INPP5F: variants seen among roughly 807,000 people sequenced by gnomAD.
The protein encoded by INPP5F is inositol polyphosphate-5-phosphatase F.
INPP5F carries 97 observed loss-of-function variants against 137.2 expected under a neutral mutation model. The ratio of observed to expected loss-of-function variants is 0.71; its 90% CI spans 0.60 to 0.84. INPP5F has a LOEUF of 0.84. Among genes scored for constraint, INPP5F ranks in the 40% least tolerant of loss-of-function variants. The probability of loss-of-function intolerance (pLI) is 0.00; values close to 1 mark genes in which losing one functional copy is unlikely to be tolerated. For missense variants in INPP5F, 1,271 were observed against 1,371.9 expected, an observed-to-expected ratio of 0.93 and a Z score of 1.16; for synonymous variants, 504 against 476.9, an observed-to-expected ratio of 1.06 and a Z score of -0.74.
intron 19 of INPP5F, among the ~76,000 whole-genome samples, chr10:119,825,167 T>G (rs1479823944): frequency 6.6e-6 from 1 of 152,260 alleles, no homozygotes; most frequent in African/African-American, 2.4e-5. Context: ...TTTTGGTTGC[T>G]AAGCATTTTT....
At chr10:119,789,980 G>A (rs1850079643) in intron 3 of INPP5F, among the ~76,000 whole-genome samples, 1 of 146,678 alleles carries the variant, frequency 6.8e-6, no homozygotes, top group Non-Finnish European at 1.5e-5. Flanking sequence ...ATTGGATTTA[G>A]CAAAGTGGAG....
At position 119,726,224 on chromosome 10, in the gene INPP5F, G is replaced by T. The variant is rs901718816; in HGVS notation, c.-39G>T. 7.4e-7 allele frequency: 1 copy of T among 1,360,452 alleles called. No homozygotes were observed. The highest frequency in any genetic ancestry group is 3.3e-5 in the East Asian group (1 of 30,292). 84.3% of individuals were successfully genotyped at this position (1,360,452 alleles called of 1,614,324 possible). On this transcript the variant is annotated 5_prime_UTR_variant, in exon 1 of 20. Transcript: ENST00000650623. ...GACCGACTAGGACGCCCCGTGCGCC[G>T]CCCGCGGGCCGCCGCCTCCCTGGGC...
At chr10:119,789,084 G>C (rs1302620406) in intron 3 of INPP5F, among the ~76,000 whole-genome samples, 1 of 152,078 alleles carries the variant, frequency 6.6e-6, no homozygotes, top group Admixed American at 6.5e-5. Flanking sequence ...TATTAGTCAG[G>C]CATGGTGGTG....
At position 119,795,336 on chromosome 10, in the gene INPP5F, G is replaced by A. The variant is rs376069654; in HGVS notation, c.670-1379G>A. 4.2e-3 allele frequency among the ~76,000 whole-genome samples: 636 copies of A among 151,536 alleles called. 29 individuals carry two copies. In the South Asian group the frequency reaches 0.1, roughly 25 times the overall value. ...ACTTCCCAGACGGGGTGGCTGCTGG[G>A]CGGAGGGGCTCCTCACTTCTCAGAC... On this transcript the variant is annotated intron_variant, in intron 6 of 19. Transcript: ENST00000650623.
chr10:119,803,090 T>C (rs1850649443), intron 9 of INPP5F, among the ~76,000 whole-genome samples: 2 of 152,192 alleles, frequency 1.3e-5, no homozygotes. Context: ...CTTTATGCAT[T>C]ATTGGTTTTT....
intron 2 of INPP5F, among the ~76,000 whole-genome samples, chr10:119,759,871 A>C (rs944499508): frequency 6.6e-6 from 1 of 151,978 alleles, no homozygotes; most frequent in African/African-American, 2.4e-5. Flanking sequence ...CTAGATGCTG[A>C]GTGCTTCGTC....
rs529920436 is a variant in INPP5F, at chr10:119,736,854, A to T, written c.97+10495A>T. Among the ~76,000 whole-genome samples, 3 of 152,276 alleles carry T rather than the reference A, an allele frequency of 2.0e-5. No homozygotes were observed. In the South Asian group the frequency reaches 6.2e-4, roughly 32 times the overall value. ...CTAGAAATTTTTAATTTTTTTAGAG[A>T]CAGGGTCTTGCTCTGCCACCCAGGC... On this transcript the variant is annotated intron_variant, in intron 1 of 19. Coordinates refer to ENST00000650623, the MANE Select transcript of INPP5F (RefSeq NM_014937.4).
intron 16 of INPP5F, among the ~76,000 whole-genome samples, chr10:119,821,532 A>T (rs1851561144): frequency 6.6e-6 from 1 of 152,220 alleles, no homozygotes. Flanking sequence ...TTACTAAGTA[A>T]ATATTCAATT....
chr10:119,746,262 A>G (rs1848529445), intron 1 of INPP5F, among the ~76,000 whole-genome samples: 1 of 152,142 alleles, frequency 6.6e-6, no homozygotes, highest in South Asian at 2.1e-4. Flanking sequence ...TGCTGTCCTT[A>G]TGCCTGATGC....
At chr10:119,758,972 T>A (rs971719017) in intron 2 of INPP5F, among the ~76,000 whole-genome samples, 1 of 152,108 alleles carries the variant, frequency 6.6e-6, no homozygotes, top group African/African-American at 2.4e-5. Context: ...GTAAATGGAG[T>A]GTCACTAGCA....
chr10:119,779,671 T>G (rs993523890), intron 2 of INPP5F, among the ~76,000 whole-genome samples: 1 of 152,136 alleles, frequency 6.6e-6, no homozygotes, highest in Admixed American at 6.5e-5. Context: ...CCTCCCACTT[T>G]GACCTCTCAA....
chr10:119,798,718 A>T (rs926944575), intron 9 of INPP5F, 108 bp downstream of exon 9: 6 of 621,476 alleles, frequency 9.7e-6, no homozygotes, highest in Non-Finnish European at 1.6e-5. Context: ...AGCATTTGTC[A>T]TGAAGTTTAA....
At chr10:119,818,437 C>T (rs926720822) in intron 15 of INPP5F, among the ~76,000 whole-genome samples, 1 of 152,226 alleles carries the variant, frequency 6.6e-6, no homozygotes, top group Non-Finnish European at 1.5e-5. Flanking sequence ...GCCTAGGGGC[C>T]AGACGCTCGG....
intron 16 of INPP5F, among the ~76,000 whole-genome samples, chr10:119,821,663 C>T (rs1851565336): frequency 6.6e-6 from 1 of 151,936 alleles, no homozygotes; most frequent in Non-Finnish European, 1.5e-5. Context: ...GTATTGTTCC[C>T]AAATACATAG....
chr10:119,748,100 C>T lies in INPP5F; in HGVS notation c.98-2976C>T, dbSNP rs527322933. Among the ~76,000 whole-genome samples, 176 of 152,292 alleles carry T rather than the reference C, an allele frequency of 1.2e-3. 2 individuals carry two copies. Among genetic ancestry groups the T allele is most frequent in the African/African-American group, 3.8e-3 (158 of 41,556 alleles). The stretch of plus-strand genomic sequence containing the variant: ...ATGCCTGCCAATGGCAAGCCAGGTG[C>T]GGAGTGGCGAGTGGTGTATGAGCGA... On this transcript the variant is annotated intron_variant, in intron 1 of 19. Coordinates refer to ENST00000650623, the MANE Select transcript of INPP5F (RefSeq NM_014937.4). This position sits in a 1 kb window ranked among gnomAD's most constrained non-coding sequence, Gnocchi z 4.7.
chr10:119,731,519 C>T (rs1848066304), intron 1 of INPP5F, among the ~76,000 whole-genome samples: 1 of 152,068 alleles, frequency 6.6e-6, no homozygotes, highest in Non-Finnish European at 1.5e-5. Flanking sequence ...CAAAAATTAG[C>T]TGGGTGTGGT....
Position 119,748,467 on chromosome 10 carries a change from G to T in INPP5F, c.98-2609G>T, listed in dbSNP as rs1363122463. On this transcript the variant is annotated intron_variant, in intron 1 of 19. Coordinates refer to ENST00000650623, the MANE Select transcript of INPP5F (RefSeq NM_014937.4). This position sits in a 1 kb window ranked among gnomAD's most constrained non-coding sequence, Gnocchi z 4.7. ...ACAGCTTTTTCAGTCCCACCATTCA[G>T]GGGTCCCGTGTCCAGGAAGAATGAG... 3.9e-5 allele frequency among the ~76,000 whole-genome samples: 6 copies of T among 152,192 alleles called. No homozygotes were observed. Among genetic ancestry groups the T allele is most frequent in the Admixed American group, 3.9e-4 (6 of 15,274 alleles).
At chr10:119,796,331 TA>T (rs1850381340) in intron 6 of INPP5F, among the ~76,000 whole-genome samples, 1 of 152,216 alleles carries the variant, frequency 6.6e-6, no homozygotes, top group African/African-American at 2.4e-5. Flanking sequence ...AAACATTTGT[TA>T]AATACTTCCC....
At chr10:119,795,938 C>T (rs1318785200) in intron 6 of INPP5F, among the ~76,000 whole-genome samples, 5 of 152,098 alleles carry the variant, frequency 3.3e-5, no homozygotes, top group African/African-American at 7.2e-5. Context: ...ACCAGTCAGG[C>T]GTGGCGGCGC....
Sources: allele counts gnomAD v4.1 joint callset (sites outside exome capture counted in the v4.1 genomes callset), GRCh38; gene constraint gnomAD v4.1.1; non-coding constraint Gnocchi (gnomAD v3.1); transcripts MANE v1.5; gene names NCBI Gene and HGNC (gene_info 2026-07-23, HGNC 2026-07-21).